SCFD2: variants seen among roughly 807,000 people sequenced by gnomAD.
SCFD2 encodes sec1 family domain containing 2.
Under a neutral mutation model 58.9 loss-of-function variants are expected in SCFD2, and 54 were observed. The observed-to-expected ratio is 0.92, with a 90% CI of 0.74 to 1.15. The LOEUF is 1.15. SCFD2 is among the 50% of genes most tolerant of loss of function. The pLI, the probability that SCFD2 is intolerant of heterozygous loss-of-function variation, is 0.00. For synonymous variants in SCFD2, 321 were observed against 335.9 expected (o/e 0.96, Z 0.49); for missense variants, 805 against 836.6 (o/e 0.96, Z 0.47).
chr4:52,899,268 G>GT (rs1338022801), intron 7 of SCFD2, among the ~76,000 whole-genome samples: 1 of 152,188 alleles, frequency 6.6e-6, no homozygotes, highest in Non-Finnish European at 1.5e-5. Context: ...AATTTGGCAT[G>GT]TTTTTGCAGT....
chr4:53,091,241 A>G (rs1724460682), intron 5 of SCFD2, among the ~76,000 whole-genome samples: 1 of 152,198 alleles, frequency 6.6e-6, no homozygotes, highest in South Asian at 2.1e-4. Flanking sequence ...GGAGATACAA[A>G]GTTAAAAGAG....
chr4:52,876,557 C>CA (rs1339174227), intron 8 of SCFD2, among the ~76,000 whole-genome samples: 2 of 151,846 alleles, frequency 1.3e-5, no homozygotes, highest in African/African-American at 2.4e-5. Flanking sequence ...CAAGATGAGC[C>CA]TGGGCAACAT....
intron 4 of SCFD2, among the ~76,000 whole-genome samples, chr4:53,211,270 T>G (rs1200294370): frequency 2.0e-5 from 3 of 147,484 alleles, no homozygotes; most frequent in Admixed American, 6.8e-5. Context: ...AAGAGAACTG[T>G]GTTCAGAGAG....
rs560898000 is a variant in SCFD2 at position 53,250,392 on chromosome 4, C to T, written c.1311+23434G>A. ...CCACTGTCAACATTAGACAGATCAACAAGACAGAAAGTTAACAAGGATACC... is the reference window on the plus strand; with the variant it reads ...CCACTGTCAACATTAGACAGATCAATAAGACAGAAAGTTAACAAGGATACC... On this transcript the variant is annotated intron_variant, in intron 4 of 8. Transcript: ENST00000401642. Among the ~76,000 whole-genome samples, 472 of 152,260 alleles carry T rather than the reference C, an allele frequency of 3.1e-3. 3 individuals carry two copies. The highest frequency in any genetic ancestry group is 7.7e-3 in the East Asian group (40 of 5,182).
chr4:53,267,570 CTTAT>C (rs887093855), intron 4 of SCFD2, among the ~76,000 whole-genome samples: 1 of 152,114 alleles, frequency 6.6e-6, no homozygotes, highest in Non-Finnish European at 1.5e-5. Flanking sequence ...TTTCCCCAAT[CTTAT>C]TTATTTATTT....
At chr4:52,943,360 T>C (rs1720341066) in intron 5 of SCFD2, among the ~76,000 whole-genome samples, 1 of 152,194 alleles carries the variant, frequency 6.6e-6, no homozygotes, top group African/African-American at 2.4e-5. Context: ...ACTGGGTAAT[T>C]AATAAAGAAC....
At chr4:53,178,662 G>A (rs961953293) in intron 4 of SCFD2, among the ~76,000 whole-genome samples, 5 of 152,208 alleles carry the variant, frequency 3.3e-5, no homozygotes, top group African/African-American at 4.8e-5. Flanking sequence ...TGACTTTGAC[G>A]AGTTGAGAGA....
chr4:53,280,584 C>A (rs1438712124), intron 3 of SCFD2, among the ~76,000 whole-genome samples: 1 of 151,468 alleles, frequency 6.6e-6, no homozygotes, highest in African/African-American at 2.4e-5. Flanking sequence ...AATTGTAAAA[C>A]CCTTGATATA....
At chr4:53,139,687 G>A (rs28559643) in intron 5 of SCFD2, among the ~76,000 whole-genome samples, 3,344 of 152,072 alleles carry the variant, frequency 0.022, 134 homozygotes, top group African/African-American at 0.077. Context: ...CTGCCCGGCC[G>A]CCACCCCATC....
intron 5 of SCFD2, among the ~76,000 whole-genome samples, chr4:53,067,891 C>A (rs181725070): frequency 3.3e-4 from 50 of 152,078 alleles, no homozygotes; most frequent in East Asian, 3.1e-3. Context: ...TATGACTAGG[C>A]GAGAGATGAA....
chr4:53,248,520 C>G (rs1324119823), intron 4 of SCFD2, among the ~76,000 whole-genome samples: 1 of 152,190 alleles, frequency 6.6e-6, no homozygotes, highest in Non-Finnish European at 1.5e-5. Flanking sequence ...CTTAAATGTC[C>G]CTGTCTGACA....
Position 53,121,858 on chromosome 4 carries a change from G to A in SCFD2, c.1561+23475C>T, listed in dbSNP as rs80224768. On this transcript the variant is annotated intron_variant, in intron 5 of 8. Coordinates refer to ENST00000401642, the MANE Select transcript of SCFD2 (RefSeq NM_152540.4). ...TACAATGATTATAGCTGCATTACCC[G>A]TGTGATTTTTTTAAAGCAGACATTA... Among the ~76,000 whole-genome samples, 1,378 of 149,162 alleles carry A rather than the reference G, an allele frequency of 9.2e-3. 23 individuals carry two copies. Among genetic ancestry groups the A allele is most frequent in the African/African-American group, 0.034 (1,331 of 39,712 alleles).
At chr4:53,241,036 G>A (rs1395971238) in intron 4 of SCFD2, among the ~76,000 whole-genome samples, 2 of 152,190 alleles carry the variant, frequency 1.3e-5, no homozygotes, top group East Asian at 1.9e-4. Context: ...GAAGGAAGCT[G>A]GGAATGCTGT....
intron 5 of SCFD2, among the ~76,000 whole-genome samples, chr4:53,068,277 T>A (rs1213775924): frequency 6.6e-6 from 1 of 152,148 alleles, no homozygotes; most frequent in Non-Finnish European, 1.5e-5. Context: ...CTGTTTAAAA[T>A]ATACATAAAT....
At chr4:53,012,351 C>CTCTCTT (rs1553914303) in intron 5 of SCFD2, among the ~76,000 whole-genome samples, 1 of 140,770 alleles carries the variant, frequency 7.1e-6, no homozygotes, top group African/African-American at 2.7e-5. Context: ...ATCTCTCTCT[C>CTCTCTT]TCTTTCTCTC....
intron 5 of SCFD2, among the ~76,000 whole-genome samples, chr4:53,133,535 T>C (rs777930330): frequency 5.3e-5 from 8 of 152,134 alleles, no homozygotes; most frequent in Non-Finnish European, 1.0e-4. Flanking sequence ...GTGGTAGCCA[T>C]GAAGAACAAT....
chr4:53,005,591 C>T (rs1237397840), intron 5 of SCFD2, among the ~76,000 whole-genome samples: 1 of 152,162 alleles, frequency 6.6e-6, no homozygotes, highest in Non-Finnish European at 1.5e-5. Context: ...AAACAGACTC[C>T]TGTTTTGGGA....
At chr4:53,214,849 C>T (rs192620321) in intron 4 of SCFD2, among the ~76,000 whole-genome samples, 3 of 152,210 alleles carry the variant, frequency 2.0e-5, no homozygotes, top group African/African-American at 7.2e-5. Flanking sequence ...AGGAAGGGAT[C>T]CAGTTTCAGC....
At chr4:53,239,730 C>A (rs1319962916) in intron 4 of SCFD2, among the ~76,000 whole-genome samples, 2 of 152,146 alleles carry the variant, frequency 1.3e-5, no homozygotes, top group Non-Finnish European at 2.9e-5. Context: ...GTGATCCCAG[C>A]CTCCCAAAGT....
Sources: allele counts gnomAD v4.1 joint callset (sites outside exome capture counted in the v4.1 genomes callset), GRCh38; gene constraint gnomAD v4.1.1; transcripts MANE v1.5; gene names NCBI Gene and HGNC (gene_info 2026-07-23, HGNC 2026-07-21).